ANK1: variants seen among roughly 807,000 people sequenced by gnomAD.
The protein encoded by ANK1 is ankyrin-1.
Under a neutral mutation model 210.4 loss-of-function variants are expected in ANK1, and 51 were observed. That is an observed-to-expected ratio of 0.24 (90% CI 0.19 to 0.31). ANK1 has a LOEUF of 0.31. Ranked by LOEUF, ANK1 falls within the 10% of genes least tolerant of loss-of-function variation. ANK1 has a pLI of 1.00. For missense variants in ANK1, 2,051 were observed against 2,504.4 expected (o/e 0.82, Z 3.86); for synonymous variants, 967 against 1,025.9 (o/e 0.94, Z 1.10).
At chr8:41,837,805 A>G (rs895897328) in intron 1 of ANK1, among the ~76,000 whole-genome samples, 1 of 152,198 alleles carries the variant, frequency 6.6e-6, no homozygotes, top group Non-Finnish European at 1.5e-5. Context: ...CAGGAGGCAG[A>G]GGTTGCAGTG....
intron 1 of ANK1, among the ~76,000 whole-genome samples, chr8:41,860,395 T>G (rs1373866279): frequency 6.6e-6 from 1 of 152,144 alleles, no homozygotes; most frequent in Non-Finnish European, 1.5e-5. Context: ...TTGCCCACAA[T>G]GCGGAGCAGT....
At chr8:41,834,217 G>A (rs899440933) in intron 1 of ANK1, among the ~76,000 whole-genome samples, 1 of 152,242 alleles carries the variant, frequency 6.6e-6, no homozygotes, top group South Asian at 2.1e-4. Flanking sequence ...TCCAGGCTCT[G>A]GCTGCCGAGG....
chr8:41,785,317 A>G (rs1201486122), intron 1 of ANK1, among the ~76,000 whole-genome samples: 1 of 152,174 alleles, frequency 6.6e-6, no homozygotes, highest in African/African-American at 2.4e-5. Flanking sequence ...CTATGAACAC[A>G]CCACTCCACT....
intron 1 of ANK1, among the ~76,000 whole-genome samples, chr8:41,805,307 A>T (rs891504397): frequency 2.0e-5 from 3 of 151,262 alleles, no homozygotes; most frequent in Admixed American, 2.0e-4. Context: ...CATTGTTACA[A>T]TCATGGCTTG....
At chr8:41,698,716 C>T (rs1044993104) in intron 23 of ANK1, among the ~76,000 whole-genome samples, 2 of 152,154 alleles carry the variant, frequency 1.3e-5, no homozygotes, top group African/African-American at 2.4e-5. Context: ...CTGGCTTGTA[C>T]CTAACATACC....
At chr8:41,753,173 T>C (rs73619388) in intron 2 of ANK1, among the ~76,000 whole-genome samples, 7,658 of 151,386 alleles carry the variant, frequency 0.051, 652 homozygotes, top group African/African-American at 0.17. Context: ...AGAGATTCTC[T>C]TGCATCTCAG....
At chr8:41,730,374 G>A (rs1052855795) in intron 3 of ANK1, among the ~76,000 whole-genome samples, 9 of 152,220 alleles carry the variant, frequency 5.9e-5, no homozygotes, top group African/African-American at 1.9e-4. Context: ...GGAGGCCAAG[G>A]CGGGAGGATT....
At chr8:41,871,220 C>T (rs1291266190) in intron 1 of ANK1, among the ~76,000 whole-genome samples, 1 of 152,228 alleles carries the variant, frequency 6.6e-6, no homozygotes, top group Non-Finnish European at 1.5e-5. Flanking sequence ...CTTCTCTCTC[C>T]CACTGACTGG....
chr8:41,655,980 G>A (rs867891560), intron 42 of ANK1, among the ~76,000 whole-genome samples: 2 of 152,334 alleles, frequency 1.3e-5, no homozygotes, highest in South Asian at 4.1e-4. Context: ...CCTCAGAGCC[G>A]CCACCCAGGC....
chr8:41,693,907 T>C lies in ANK1; in HGVS notation c.3523A>G (p.Ser1175Gly). The C allele has an allele frequency of 6.2e-7, 1 of 1,609,142 alleles. No individual in the cohort carries two copies. Among genetic ancestry groups the C allele is most frequent in the Non-Finnish European group, 8.5e-7 (1 of 1,178,072 alleles). Residue 1175 changes from serine (S) to glycine (G), a missense_variant, in exon 29 of 43, where the codon AGC becomes GGC. Ser to Gly is a moderately conservative substitution (Grantham distance 56, BLOSUM62 0). Around this residue, in one of 6 missense-constraint regions of ANK1, gnomAD observed 1,413 missense variants for 1,707.4 expected, o/e 0.83. Transcript: ENST00000289734. ...GDTTSLRLLC[S>G]VIGGTDQAQW... ...CAGGGGCCCCTCTCACCAATGACGC[T>C]GCAAAGCAGGCGCAGGCTGGTGGTG...
intron 1 of ANK1, among the ~76,000 whole-genome samples, chr8:41,895,085 G>C (rs1820216986): frequency 6.6e-6 from 1 of 152,192 alleles, no homozygotes; most frequent in Non-Finnish European, 1.5e-5. Context: ...ATGTTGGTCT[G>C]CTGACCAACT....
At chr8:41,739,450 T>C (rs568787932) in intron 2 of ANK1, among the ~76,000 whole-genome samples, 1 of 152,118 alleles carries the variant, frequency 6.6e-6, no homozygotes, top group South Asian at 2.1e-4. Flanking sequence ...ACATCCAACA[T>C]TGTGGTCATC....
At chr8:41,873,164 G>C (rs968106359) in intron 1 of ANK1, among the ~76,000 whole-genome samples, 1 of 152,202 alleles carries the variant, frequency 6.6e-6, no homozygotes, top group Non-Finnish European at 1.5e-5. Context: ...AGATTTGATG[G>C]ATTTAGTCTA....
intron 1 of ANK1, among the ~76,000 whole-genome samples, chr8:41,848,999 T>C (rs1194646197): frequency 6.6e-6 from 1 of 152,182 alleles, no homozygotes; most frequent in Non-Finnish European, 1.5e-5. Flanking sequence ...ACCTGGAGCA[T>C]TATTGATTGA....
At chr8:41,850,510 T>C (rs1342603172) in intron 1 of ANK1, among the ~76,000 whole-genome samples, 1 of 152,218 alleles carries the variant, frequency 6.6e-6, no homozygotes, top group East Asian at 1.9e-4. Context: ...AGACAGAATC[T>C]TGCTTTGTCA....
chr8:41,666,065 G>C (rs1047417404), intron 39 of ANK1, among the ~76,000 whole-genome samples: 5 of 152,256 alleles, frequency 3.3e-5, no homozygotes, highest in African/African-American at 9.6e-5. Flanking sequence ...GGACACAGCA[G>C]ACTAACCCTG....
chr8:41,725,579 GCCAGGGATTTAGAGCGGGGCTGT>G (rs1414518384), intron 6 of ANK1, among the ~76,000 whole-genome samples, 159 bp downstream of exon 6: 1 of 152,214 alleles, frequency 6.6e-6, no homozygotes, highest in Non-Finnish European at 1.5e-5. Context: ...CTGGGCATCT[GCCAGGGATTTAGAGCGGGGCTGT>G]CCAGGGGCCC....
At chr8:41,895,906 C>CA (rs974801800) in intron 1 of ANK1, among the ~76,000 whole-genome samples, 1 of 152,068 alleles carries the variant, frequency 6.6e-6, no homozygotes, top group Non-Finnish European at 1.5e-5. Context: ...GAGCTGCCCC[C>CA]CCCCGGCCCG....
intron 1 of ANK1, among the ~76,000 whole-genome samples, chr8:41,769,302 TCCCCAGGCACATG>T (rs1364575847): frequency 6.6e-6 from 1 of 152,154 alleles, no homozygotes; most frequent in Non-Finnish European, 1.5e-5. Flanking sequence ...GCCCCTTCCC[TCCCCAGGCACATG>T]CTGCTAAAGC....
Sources: gnomAD v4.1 joint callset for allele counts (sites outside exome capture counted in the v4.1 genomes callset) on GRCh38, gnomAD v4.1.1 for gene constraint, gnomAD v4.1.1 regional missense constraint, MANE v1.5 for transcripts, NCBI Gene and HGNC (gene_info 2026-07-23, HGNC 2026-07-21) for gene names.